Variants in ARHGEF3 observed in about 807,000 individuals in gnomAD.
ARHGEF3 encodes Rho guanine nucleotide exchange factor 3, also known as 59.8 kDA protein.
ARHGEF3 carries 28 observed loss-of-function variants against 63.2 expected under a neutral mutation model. The observed-to-expected ratio is 0.44, with a 90% CI of 0.33 to 0.61. The LOEUF (loss-of-function observed/expected upper bound fraction) is 0.61. ARHGEF3 is among the 20% of genes least tolerant of loss of function. ARHGEF3 has a pLI of 0.03. For synonymous variants in ARHGEF3, 266 were observed against 254.2 expected, an observed-to-expected ratio of 1.05 and a Z score of -0.44; for missense variants, 533 against 659.3, an observed-to-expected ratio of 0.81 and a Z score of 2.10.
intron 3 of ARHGEF3, among the ~76,000 whole-genome samples, chr3:56,754,624 C>T (rs1191629457): frequency 3.3e-5 from 5 of 152,134 alleles, no homozygotes; most frequent in African/African-American, 1.2e-4. Context: ...AGGAAGTTTT[C>T]CATGAAGCTG....
chr3:57,028,083 C>T, intron 2 of ARHGEF3, among the ~76,000 whole-genome samples: 1 of 150,658 alleles, frequency 6.6e-6, no homozygotes, highest in Non-Finnish European at 1.5e-5. Context: ...AACACTTTTA[C>T]ACTGTTGGTG....
At chr3:56,774,777 T>C (rs1404287505) in intron 1 of ARHGEF3, among the ~76,000 whole-genome samples, 5 of 152,050 alleles carry the variant, frequency 3.3e-5, no homozygotes, top group Non-Finnish European at 7.4e-5. Flanking sequence ...CAGGTGCCTG[T>C]AATCCCAGCT....
chr3:56,928,858 G>T (rs2042341743), intron 3 of ARHGEF3, among the ~76,000 whole-genome samples: 1 of 152,198 alleles, frequency 6.6e-6, no homozygotes, highest in South Asian at 2.1e-4. Context: ...GGCCACATGG[G>T]TAAAGAATCA....
intron 4 of ARHGEF3, among the ~76,000 whole-genome samples, chr3:56,752,828 G>C (rs1197584076): frequency 6.6e-6 from 1 of 152,208 alleles, no homozygotes; most frequent in Non-Finnish European, 1.5e-5. Flanking sequence ...AGGAATGCTA[G>C]AGGTGGAATT....
chr3:56,983,340 G>T (rs1255650087), intron 2 of ARHGEF3, among the ~76,000 whole-genome samples: 3 of 152,228 alleles, frequency 2.0e-5, no homozygotes, highest in Admixed American at 1.3e-4. Context: ...GATGGACCAT[G>T]GGCTCTTGGG....
intron 2 of ARHGEF3, among the ~76,000 whole-genome samples, chr3:56,975,494 T>C (rs1478044275): frequency 1.3e-5 from 2 of 152,202 alleles, no homozygotes; most frequent in African/African-American, 4.8e-5. Flanking sequence ...AGCCAGACAC[T>C]GTTCTGAATG....
At chr3:56,850,466 T>C (rs764406756) in intron 4 of ARHGEF3, among the ~76,000 whole-genome samples, 2 of 152,134 alleles carry the variant, frequency 1.3e-5, no homozygotes, top group Non-Finnish European at 2.9e-5. Context: ...GGTGCAGAGG[T>C]TGCAGTGAGC....
At chr3:57,056,007 G>C (rs1328108140) in intron 1 of ARHGEF3, among the ~76,000 whole-genome samples, 1 of 151,942 alleles carries the variant, frequency 6.6e-6, no homozygotes, top group East Asian at 1.9e-4. Flanking sequence ...TGCCTCTATG[G>C]GCTAGGAATT....
intron 5 of ARHGEF3, 44 bp downstream of exon 5, chr3:56,751,256 G>A: frequency 6.4e-7 from 1 of 1,570,536 alleles, no homozygotes; most frequent in Non-Finnish European, 8.8e-7. Context: ...AGACAACTCA[G>A]TTAAGGCTAC....
rs2033696781 is a variant in ARHGEF3, at chr3:56,737,349, T to C, written c.877A>G (p.Ile293Val). 7 of 1,609,630 alleles carry C rather than the reference T, an allele frequency of 4.3e-6. No individual in the cohort carries two copies. The highest frequency in any genetic ancestry group is 5.9e-6 in the Non-Finnish European group (7 of 1,177,072). The change falls in exon 8 of 10, where the codon ATC (isoleucine) becomes GTC (valine). Residue 293 changes from isoleucine (I) to valine (V), a missense_variant. By Grantham distance (29) the Ile-to-Val change is conservative. This residue lies in a region of ARHGEF3 where 151 missense variants were observed against 190.7 expected (regional missense o/e 0.79). Transcript: ENST00000296315. Reference protein sequence around the residue: ...DQQHLEEAINIIQGIVAEINT... With the variant: ...DQQHLEEAINVIQGIVAEINT... ...ATTTCTGCCACAATTCCCTGAATGA[T>C]ATTTATCTATGAAAACAAAGAGGAA...
chr3:56,940,381 A>G (rs1699117722), intron 3 of ARHGEF3, among the ~76,000 whole-genome samples: 1 of 152,230 alleles, frequency 6.6e-6, no homozygotes, highest in South Asian at 2.1e-4. Context: ...AATCAAAACG[A>G]TAACTATATA....
rs377257553 is a variant in ARHGEF3, at chr3:56,799,967, C to T, written c.96+1736G>A. On this transcript the variant is annotated intron_variant, in intron 1 of 9. Coordinates refer to ENST00000296315, the MANE Select transcript of ARHGEF3 (RefSeq NM_019555.3). ...TTTCTCACATCAGGATATCCCCATA[C>T]GAGGAAAATAAGTCATATTTTATAG... 3.7e-4 allele frequency among the ~76,000 whole-genome samples: 57 copies of T among 152,016 alleles called. 5 individuals carry two copies. Among genetic ancestry groups the T allele is most frequent in the Admixed American group, 2.1e-3 (32 of 15,268 alleles).
At chr3:56,744,475 T>C (rs141011053) in intron 7 of ARHGEF3, among the ~76,000 whole-genome samples, 3 of 151,264 alleles carry the variant, frequency 2.0e-5, no homozygotes, top group African/African-American at 7.3e-5. Context: ...CTCAGCTCAC[T>C]GCAACCTCCA....
chr3:57,052,448 C>T (rs577999678), intron 1 of ARHGEF3, among the ~76,000 whole-genome samples: 20 of 152,158 alleles, frequency 1.3e-4, no homozygotes, highest in African/African-American at 4.6e-4. Flanking sequence ...AGGCAACCAC[C>T]ACCATGCCCG....
At chr3:57,067,989 C>CA (rs113906945) in intron 1 of ARHGEF3, among the ~76,000 whole-genome samples, 5,912 of 151,102 alleles carry the variant, frequency 0.039, 380 homozygotes, top group African/African-American at 0.14. Flanking sequence ...GACTCCGTCT[C>CA]AAAAAAAACA....
At chr3:56,739,985 C>A (rs1316396005) in intron 7 of ARHGEF3, among the ~76,000 whole-genome samples, 2 of 151,706 alleles carry the variant, frequency 1.3e-5, no homozygotes, top group Non-Finnish European at 2.9e-5. Flanking sequence ...CTGCAACCTC[C>A]GCCTCCTGGA....
At chr3:56,745,528 A>G (rs2107735093) in intron 6 of ARHGEF3, 66 bp from the exon 7 acceptor site, 1 of 1,565,630 alleles carries the variant, frequency 6.4e-7, no homozygotes. Flanking sequence ...CTACGGTGGC[A>G]TCATTTATTG....
intron 3 of ARHGEF3, among the ~76,000 whole-genome samples, chr3:56,927,113 T>C (rs531772444): frequency 4.2e-4 from 64 of 152,362 alleles, no homozygotes; most frequent in African/African-American, 1.5e-3. Flanking sequence ...TGCTGTCACT[T>C]AATGCGTGAC....
At chr3:56,949,384 T>C (rs1454106256) in intron 3 of ARHGEF3, among the ~76,000 whole-genome samples, 3 of 152,080 alleles carry the variant, frequency 2.0e-5, no homozygotes, top group Non-Finnish European at 2.9e-5. Flanking sequence ...GAAAACCCCA[T>C]CGTCTCAGCC....
Sources: allele counts gnomAD v4.1 joint callset (sites outside exome capture counted in the v4.1 genomes callset), GRCh38; gene constraint gnomAD v4.1.1; regional missense constraint gnomAD v4.1.1; transcripts MANE v1.5; gene names NCBI Gene and HGNC (gene_info 2026-07-23, HGNC 2026-07-21).